Variants in TASP1 observed in about 807,000 individuals in gnomAD.
TASP1 encodes the protein threonine aspartase 1.
In TASP1, 16 loss-of-function variants were observed where a neutral mutation model predicts 56.6. The ratio of observed to expected loss-of-function variants is 0.28; its 90% CI spans 0.19 to 0.43. The LOEUF (loss-of-function observed/expected upper bound fraction) is 0.43, where lower values mean the gene tolerates loss of function less well. TASP1 is among the 20% of genes least tolerant of loss of function. The pLI, the probability that TASP1 is intolerant of heterozygous loss-of-function variation, is 1.00. For missense variants in TASP1, 393 were observed against 511.6 expected, an observed-to-expected ratio of 0.77 and a Z score of 2.24; for synonymous variants, 179 against 184.2, an observed-to-expected ratio of 0.97 and a Z score of 0.23.
At chr20:13,310,130 C>T in the TASP1 span, among the ~76,000 whole-genome samples, 1 of 151,954 alleles carries the variant, frequency 6.6e-6, no homozygotes, top group Non-Finnish European at 1.5e-5. Flanking sequence ...ACTAAATAGC[C>T]AAAGCAATCT....
chr20:13,546,010 C>T (rs1037957811), intron 8 of TASP1, among the ~76,000 whole-genome samples: 1 of 152,118 alleles, frequency 6.6e-6, no homozygotes, highest in African/African-American at 2.4e-5. Flanking sequence ...TGATTTTGTT[C>T]TTCTAACACA....
At chr20:13,138,293 C>T in the TASP1 span, among the ~76,000 whole-genome samples, 3 of 152,190 alleles carry the variant, frequency 2.0e-5, no homozygotes, top group Non-Finnish European at 4.4e-5. Context: ...ATCTCCTCAA[C>T]TATTCTGCAG....
At chr20:13,208,489 T>A in the TASP1 span, among the ~76,000 whole-genome samples, 1 of 152,188 alleles carries the variant, frequency 6.6e-6, no homozygotes, top group African/African-American at 2.4e-5. Flanking sequence ...CACACTTCCC[T>A]ACTCTTCCCT....
chr20:13,268,349 T>C, the TASP1 span, among the ~76,000 whole-genome samples: 4 of 634 alleles, frequency 6.3e-3, no homozygotes, highest in South Asian at 0.028. Flanking sequence ...TTCTTCTTCC[T>C]CTCTCTCTCT....
Position 13,593,363 on chromosome 20 carries a change from T to C in TASP1, c.283-5993A>G, listed in dbSNP as rs867679953. ...CATCTCACTGGGACTGGTTGGACAG[T>C]GGGTGGAGGCCACGGAGGGTGAGCC... is the stretch of plus-strand genomic sequence containing the variant. On this transcript the variant is annotated intron_variant, in intron 4 of 13. Transcript: ENST00000337743. Among the ~76,000 whole-genome samples, 24 of 152,228 alleles carry C rather than the reference T, an allele frequency of 1.6e-4. No individual in the cohort carries two copies. In the Middle Eastern group the frequency reaches 0.01, roughly 65 times the overall value.
the TASP1 span, chr20:13,154,190 G>C: frequency 6.2e-7 from 1 of 1,605,460 alleles, no homozygotes; most frequent in Non-Finnish European, 8.5e-7. Flanking sequence ...GGTGACCTAA[G>C]ATGGCTTTTT....
chr20:13,292,701 G>A, the TASP1 span, among the ~76,000 whole-genome samples: 1 of 152,086 alleles, frequency 6.6e-6, no homozygotes, highest in Non-Finnish European at 1.5e-5. Flanking sequence ...AGCCTTCACA[G>A]CCAGAGGCAG....
chr20:13,207,635 A>C, the TASP1 span, among the ~76,000 whole-genome samples: 1 of 152,200 alleles, frequency 6.6e-6, no homozygotes, highest in South Asian at 2.1e-4. Flanking sequence ...CAAGTCAATC[A>C]ATCAGGCAGA....
the TASP1 span, among the ~76,000 whole-genome samples, chr20:13,370,920 G>C: frequency 6.6e-6 from 1 of 152,070 alleles, no homozygotes; most frequent in African/African-American, 2.4e-5. Flanking sequence ...GTAAGAATTT[G>C]TCAATTTCAT....
the TASP1 span, among the ~76,000 whole-genome samples, chr20:13,289,687 A>G: frequency 6.6e-6 from 1 of 151,742 alleles, no homozygotes; most frequent in Admixed American, 6.6e-5. Context: ...GAGGAGGAGG[A>G]AGAGGAGGAG....
chr20:13,389,022 T>G (rs897386144), downstream of TASP1, among the ~76,000 whole-genome samples: 4 of 152,262 alleles, frequency 2.6e-5, no homozygotes, highest in East Asian at 1.9e-4. Flanking sequence ...TGATAACCAC[T>G]TCTTACATAA....
chr20:13,517,777 A>G (rs1254007015), intron 10 of TASP1, among the ~76,000 whole-genome samples: 2 of 152,172 alleles, frequency 1.3e-5, no homozygotes, highest in African/African-American at 2.4e-5. Context: ...ATAATTGCAT[A>G]CCATCAGTGA....
At chr20:13,315,037 A>G in the TASP1 span, among the ~76,000 whole-genome samples, 1 of 152,142 alleles carries the variant, frequency 6.6e-6, no homozygotes, top group Non-Finnish European at 1.5e-5. Flanking sequence ...AAAAGGAAGT[A>G]TAACTAATAT....
the TASP1 span, among the ~76,000 whole-genome samples, chr20:13,215,142 G>A: frequency 1.1e-4 from 17 of 152,192 alleles, no homozygotes; most frequent in African/African-American, 3.4e-4. Context: ...TACAAAGCAC[G>A]TTGGTCTTGG....
chr20:13,533,812 A>G (rs2073324), intron 9 of TASP1, among the ~76,000 whole-genome samples: 54,578 of 152,034 alleles, frequency 0.36, 10,639 homozygotes, highest in Non-Finnish European at 0.43. Context: ...CAACGATTGT[A>G]AAGATGAGAA....
At chr20:13,269,070 G>A in the TASP1 span, among the ~76,000 whole-genome samples, 1 of 152,136 alleles carries the variant, frequency 6.6e-6, no homozygotes, top group Non-Finnish European at 1.5e-5. Flanking sequence ...TAACCCTTTG[G>A]CTGGGTCAGA....
the TASP1 span, among the ~76,000 whole-genome samples, chr20:13,382,292 G>A: frequency 1.3e-5 from 2 of 152,156 alleles, no homozygotes; most frequent in African/African-American, 4.8e-5. Context: ...TGGGAAGTTG[G>A]AGTCTGTGGA....
At chr20:13,215,041 A>G in the TASP1 span, among the ~76,000 whole-genome samples, 1 of 152,340 alleles carries the variant, frequency 6.6e-6, no homozygotes, top group East Asian at 1.9e-4. Context: ...TGATCGGAGT[A>G]GCAAAAATTC....
intron 11 of TASP1, among the ~76,000 whole-genome samples, chr20:13,469,820 T>TTTTTC (rs2044416729): frequency 8.3e-6 from 1 of 119,978 alleles, no homozygotes; most frequent in African/African-American, 3.9e-5. Flanking sequence ...TTTTTTTTTT[T>TTTTTC]TTTTTTGAGA....
Sources: allele counts gnomAD v4.1 joint callset (sites outside exome capture counted in the v4.1 genomes callset), GRCh38; gene constraint gnomAD v4.1.1; transcripts MANE v1.5; gene names NCBI Gene and HGNC (gene_info 2026-07-23, HGNC 2026-07-21).